PTPRN2: variants seen among roughly 807,000 people sequenced by gnomAD.
PTPRN2 encodes receptor-type tyrosine-protein phosphatase N2.
Under a neutral mutation model 118.8 loss-of-function variants are expected in PTPRN2, and 74 were observed. The ratio of observed to expected loss-of-function variants is 0.62; its 90% confidence interval spans 0.52 to 0.76. The LOEUF (loss-of-function observed/expected upper bound fraction) is 0.76, where lower values mean the gene tolerates loss of function less well. Among genes scored for constraint, PTPRN2 ranks in the 30% least tolerant of loss-of-function variants. PTPRN2 has a pLI of 0.00. For missense variants in PTPRN2, 1,481 were observed against 1,394.4 expected, an observed-to-expected ratio of 1.06 and a Z score of -0.99; for synonymous variants, 641 against 608.0, an observed-to-expected ratio of 1.05 and a Z score of -0.80.
At chr7:158,277,300 C>T (rs1456224866) in intron 3 of PTPRN2, among the ~76,000 whole-genome samples, 4 of 152,192 alleles carry the variant, frequency 2.6e-5, no homozygotes, top group Admixed American at 1.3e-4. Flanking sequence ...GTTCGCCATT[C>T]GGTCCCACAC....
chr7:158,131,732 AAC>A (rs1030965445), intron 9 of PTPRN2, among the ~76,000 whole-genome samples: 4 of 126,980 alleles, frequency 3.2e-5, no homozygotes, highest in Non-Finnish European at 6.6e-5. Context: ...ACATCTACCC[AAC>A]ACACTCATAC....
rs529659371 is a variant in PTPRN2, at chr7:157,974,351, A to G, written c.1724-75614T>C. On this transcript the variant is annotated intron_variant, in intron 11 of 22. Transcript: ENST00000389418. This position sits in a 1 kb window ranked among gnomAD's most constrained non-coding sequence, Gnocchi z 4.0. ...GGGCTCCTCCCCAGCTCACGGGGAA[A>G]TCCCCTTTAATTTCAAACAGGGCCC... Among the ~76,000 whole-genome samples the G allele has an allele frequency of 3.0e-4, 46 of 152,244 alleles. No individual in the cohort carries two copies. The highest frequency in any genetic ancestry group is 1.1e-3 in the African/African-American group (45 of 41,536).
rs1052144684 is a variant in PTPRN2, at chr7:158,003,211, G to A, written c.1723+78087C>T. 6.6e-6 allele frequency among the ~76,000 whole-genome samples: 1 copy of A among 151,870 alleles called. No homozygotes were observed. Among genetic ancestry groups the A allele is most frequent in the Non-Finnish European group, 1.5e-5 (1 of 67,966 alleles). ...GGGCGGATCACGAGGTCAGGAGATC[G>A]AGACCATCTTGGCTAACACGGTGAA... On this transcript the variant is annotated intron_variant, in intron 11 of 22. Transcript: ENST00000389418. This position sits in a 1 kb window ranked among gnomAD's most constrained non-coding sequence, Gnocchi z 5.0.
intron 2 of PTPRN2, among the ~76,000 whole-genome samples, chr7:158,456,575 G>A (rs1486038677): frequency 2.7e-5 from 4 of 150,318 alleles, no homozygotes; most frequent in Non-Finnish European, 5.9e-5. Flanking sequence ...CATCGGCCAC[G>A]GCCCCCCATT....
At chr7:157,758,596 C>G (rs994674376) in intron 12 of PTPRN2, among the ~76,000 whole-genome samples, 2 of 152,240 alleles carry the variant, frequency 1.3e-5, no homozygotes, top group Non-Finnish European at 2.9e-5. Context: ...GGGGCATCCT[C>G]TCTTGGCCCG....
intron 2 of PTPRN2, among the ~76,000 whole-genome samples, chr7:158,375,562 A>AG (rs1002621732): frequency 6.6e-6 from 1 of 152,230 alleles, no homozygotes; most frequent in African/African-American, 2.4e-5. Context: ...TGGGTAGAAG[A>AG]GGGTAGTTCC....
intron 12 of PTPRN2, among the ~76,000 whole-genome samples, chr7:157,762,562 G>A (rs1207073955): frequency 1.4e-5 from 2 of 141,756 alleles, no homozygotes; most frequent in South Asian, 4.5e-4. Flanking sequence ...CATGGACACA[G>A]GAAGGGGAAT....
chr7:157,715,078 C>T (rs1014014070), intron 12 of PTPRN2, among the ~76,000 whole-genome samples: 1 of 152,242 alleles, frequency 6.6e-6, no homozygotes, highest in Non-Finnish European at 1.5e-5. Context: ...CGCGCTTGTC[C>T]TGCTTTCTGA....
chr7:158,561,348 T>C (rs1827371380), intron 1 of PTPRN2, among the ~76,000 whole-genome samples: 1 of 152,120 alleles, frequency 6.6e-6, no homozygotes, highest in South Asian at 2.1e-4. Context: ...AAAATCCCCC[T>C]GACAGCTCTT....
intron 12 of PTPRN2, among the ~76,000 whole-genome samples, chr7:157,811,332 T>TTATATATATATATATATATA (rs71189737): frequency 1.2e-3 from 154 of 131,230 alleles, no homozygotes; most frequent in Non-Finnish European, 1.5e-3. Flanking sequence ...ATCTACTCTA[T>TTATATATATATATATATATA]TATATATATA....
chr7:158,371,938 T>C (rs1465845064), intron 2 of PTPRN2, among the ~76,000 whole-genome samples: 4 of 152,236 alleles, frequency 2.6e-5, no homozygotes, highest in Non-Finnish European at 5.9e-5. Flanking sequence ...CAGCTGGACG[T>C]AGCGCACTCA....
chr7:158,070,938 G>A (rs1222234907), intron 11 of PTPRN2, among the ~76,000 whole-genome samples: 4 of 132,396 alleles, frequency 3.0e-5, no homozygotes, highest in Non-Finnish European at 6.3e-5. Flanking sequence ...GCTCCTGGTG[G>A]TGGAGGTGCC....
intron 21 of PTPRN2, among the ~76,000 whole-genome samples, chr7:157,567,663 G>A (rs1799555381): frequency 6.6e-6 from 1 of 152,164 alleles, no homozygotes; most frequent in South Asian, 2.1e-4. Context: ...GCCAGTGATG[G>A]AGAATGGGAT....
At chr7:157,821,822 A>G (rs1325072564) in intron 12 of PTPRN2, among the ~76,000 whole-genome samples, 1 of 151,930 alleles carries the variant, frequency 6.6e-6, no homozygotes, top group Middle Eastern at 3.2e-3. Context: ...GAATGATGAC[A>G]TAGGTTGTGG....
At chr7:157,759,129 G>A (rs568824711) in intron 12 of PTPRN2, among the ~76,000 whole-genome samples, 5 of 152,358 alleles carry the variant, frequency 3.3e-5, no homozygotes, top group African/African-American at 1.2e-4. Flanking sequence ...CCTGCCTGGG[G>A]TTCGAGTCCC....
At chr7:157,722,909 G>A (rs1301812033) in intron 12 of PTPRN2, among the ~76,000 whole-genome samples, 1 of 152,118 alleles carries the variant, frequency 6.6e-6, no homozygotes, top group Non-Finnish European at 1.5e-5. Flanking sequence ...GGTCACCCCT[G>A]TTCCTGGCAC....
intron 2 of PTPRN2, among the ~76,000 whole-genome samples, chr7:158,319,798 T>C (rs370516640): frequency 7.8e-4 from 3 of 3,824 alleles, no homozygotes; most frequent in East Asian, 9.8e-3. Context: ...GCCTCCCTCG[T>C]ACACACACAG....
Position 158,082,050 on chromosome 7 carries a change from C to G in PTPRN2, c.1644-673G>C, listed in dbSNP as rs1190342873. 3.3e-5 allele frequency among the ~76,000 whole-genome samples: 5 copies of G among 152,368 alleles called. No homozygotes were observed. The East Asian group carries it at 5.8e-4, about 18-fold the overall frequency. ...GGGTCCATTCCCAAAGACAGACAGA[C>G]TGACCCCATGTCCACAGATGACAGC... On this transcript the variant is annotated intron_variant, in intron 10 of 22. Transcript: ENST00000389418.
intron 1 of PTPRN2, among the ~76,000 whole-genome samples, chr7:158,496,481 T>A (rs1345068387): frequency 8.3e-5 from 1 of 12,120 alleles, no homozygotes; most frequent in East Asian, 2.2e-3. Context: ...CCTTCCCTGC[T>A]CCCCTTCCCC....
Sources: gnomAD v4.1 joint callset for allele counts (sites outside exome capture counted in the v4.1 genomes callset) on GRCh38, gnomAD v4.1.1 for gene constraint, Gnocchi (gnomAD v3.1) non-coding constraint, MANE v1.5 for transcripts, NCBI Gene and HGNC (gene_info 2026-07-23, HGNC 2026-07-21) for gene names.